TUBGCP3: variants seen among roughly 807,000 people sequenced by gnomAD.
TUBGCP3 encodes tubulin gamma complex component 3, also known as gamma-tubulin complex component 3.
Under a neutral mutation model 123.1 loss-of-function variants are expected in TUBGCP3, and 50 were observed. The observed-to-expected ratio is 0.41, with a 90% CI of 0.32 to 0.51. The LOEUF (loss-of-function observed/expected upper bound fraction) is 0.51, where lower values mean the gene tolerates loss of function less well. TUBGCP3 is among the 20% of genes least tolerant of loss of function. TUBGCP3 has a pLI of 0.36. For synonymous variants in TUBGCP3, 405 were observed against 413.9 expected, an observed-to-expected ratio of 0.98 and a Z score of 0.26; for missense variants, 882 against 1,127.0, an observed-to-expected ratio of 0.78 and a Z score of 3.11.
At chr13:112,577,532 A>C (rs1193927566) in intron 1 of TUBGCP3, among the ~76,000 whole-genome samples, 1 of 152,224 alleles carries the variant, frequency 6.6e-6, no homozygotes, top group Non-Finnish European at 1.5e-5. Flanking sequence ...AAGACAAATG[A>C]ATGTAACATT....
chr13:112,525,971 A>C (rs1877027314), intron 13 of TUBGCP3, among the ~76,000 whole-genome samples: 1 of 152,198 alleles, frequency 6.6e-6, no homozygotes, highest in South Asian at 2.1e-4. Context: ...TGTATCAGAG[A>C]GTAATTCTAA....
At chr13:112,536,564 A>C (rs1878071765) in intron 11 of TUBGCP3, among the ~76,000 whole-genome samples, 1 of 152,132 alleles carries the variant, frequency 6.6e-6, no homozygotes, top group Admixed American at 6.5e-5. Context: ...TTTTAAATGG[A>C]GTTATTTTCT....
intron 1 of TUBGCP3, among the ~76,000 whole-genome samples, chr13:112,586,116 G>A (rs1463501622): frequency 6.6e-6 from 1 of 151,898 alleles, no homozygotes; most frequent in East Asian, 1.9e-4. Context: ...GCGGGCGCCT[G>A]TAGTCCCAGC....
At chr13:112,602,730 C>T in the TUBGCP3 span, 2 of 152,114 alleles carry the variant, frequency 1.3e-5, no homozygotes, top group Admixed American at 6.5e-5. Flanking sequence ...TTTTACCGAA[C>T]GTTAGCTTGA....
At chr13:112,562,707 G>A (rs1049157967) in intron 3 of TUBGCP3, among the ~76,000 whole-genome samples, 1 of 152,178 alleles carries the variant, frequency 6.6e-6, no homozygotes, top group East Asian at 1.9e-4. Flanking sequence ...TTAACCACCC[G>A]AAATCACTTC....
At chr13:112,514,748 C>G (rs941472973) in intron 17 of TUBGCP3, among the ~76,000 whole-genome samples, 4 of 152,182 alleles carry the variant, frequency 2.6e-5, no homozygotes, top group Non-Finnish European at 5.9e-5. Flanking sequence ...AGTAAGTAAA[C>G]AGTCAAACTA....
intron 1 of TUBGCP3, among the ~76,000 whole-genome samples, chr13:112,584,725 C>G (rs1882494812): frequency 6.6e-6 from 1 of 152,160 alleles, no homozygotes. Context: ...TTTATGTATT[C>G]TTTACCTCAT....
rs546623024 is a variant in TUBGCP3 at position 112,525,332 on chromosome 13, G to A, written c.1555+1610C>T. 5.3e-5 allele frequency among the ~76,000 whole-genome samples: 8 copies of A among 152,088 alleles called. No individual in the cohort carries two copies. In the South Asian group the frequency reaches 1.2e-3, roughly 24 times the overall value. On this transcript the variant is annotated intron_variant, in intron 13 of 21. Coordinates refer to ENST00000261965, the MANE Select transcript of TUBGCP3 (RefSeq NM_006322.6). ...TGCCTCTTTCCAAAGCCTTCCTGTTGAGCCTTGCCTGAAAATACCCAAAGC... is the reference window on the plus strand; with the variant it reads ...TGCCTCTTTCCAAAGCCTTCCTGTTAAGCCTTGCCTGAAAATACCCAAAGC...
chr13:112,506,680 C>T (rs990306142), intron 17 of TUBGCP3, among the ~76,000 whole-genome samples: 3 of 152,198 alleles, frequency 2.0e-5, no homozygotes, highest in African/African-American at 7.2e-5. Flanking sequence ...CTTTGAGGTT[C>T]ATCTGAAATC....
chr13:112,500,497 C>T (rs971490250), intron 19 of TUBGCP3, among the ~76,000 whole-genome samples: 1 of 152,000 alleles, frequency 6.6e-6, no homozygotes, highest in African/African-American at 2.4e-5. Flanking sequence ...AAATATGCGC[C>T]AAGAAAATAT....
intron 1 of TUBGCP3, among the ~76,000 whole-genome samples, chr13:112,576,970 GA>G (rs1310110103): frequency 1.7e-3 from 213 of 126,520 alleles, no homozygotes; most frequent in African/African-American, 5.2e-3. Context: ...GGGGTGGAGG[GA>G]AAAAAAAAAT....
Position 112,502,022 on chromosome 13 carries a change from T to G in TUBGCP3, c.2307+2010A>C, listed in dbSNP as rs117335862. Among the ~76,000 whole-genome samples the G allele has an allele frequency of 1.6e-3, 239 of 152,298 alleles. 3 individuals are homozygous for G. The East Asian group carries it at 0.026, about 16-fold the overall frequency. On this transcript the variant is annotated intron_variant, in intron 19 of 21. Transcript: ENST00000261965. Reference sequence around the variant, plus strand: ...CTTATTTGCCACAACTGGACTGATATCAGTATGGGTATAGTCCTCAGTAGT... The same window carrying G: ...CTTATTTGCCACAACTGGACTGATAGCAGTATGGGTATAGTCCTCAGTAGT...
chr13:112,540,660 G>A (rs1015176698), intron 11 of TUBGCP3, among the ~76,000 whole-genome samples: 1 of 149,488 alleles, frequency 6.7e-6, no homozygotes, highest in East Asian at 2.0e-4. Flanking sequence ...GTAGCCCTAT[G>A]AGCATTCAGA....
intron 3 of TUBGCP3, among the ~76,000 whole-genome samples, chr13:112,564,595 T>C (rs1010476298): frequency 6.6e-6 from 1 of 152,166 alleles, no homozygotes; most frequent in African/African-American, 2.4e-5. Flanking sequence ...GCAGGAGGAT[T>C]GCTTGAGCCC....
intron 1 of TUBGCP3, among the ~76,000 whole-genome samples, chr13:112,579,799 A>T (rs1882154489): frequency 6.6e-6 from 1 of 152,252 alleles, no homozygotes; most frequent in Non-Finnish European, 1.5e-5. Flanking sequence ...AACAATGAGC[A>T]TGCACCTGCC....
intron 20 of TUBGCP3, among the ~76,000 whole-genome samples, chr13:112,497,380 T>C (rs762420186): frequency 6.6e-6 from 1 of 152,228 alleles, no homozygotes; most frequent in African/African-American, 2.4e-5. Flanking sequence ...CTTTGAATGA[T>C]GAGAGCCCTT....
Position 112,567,851 on chromosome 13 carries a change from A to G in TUBGCP3, c.184+1301T>C, listed in dbSNP as rs1346347722. Among the ~76,000 whole-genome samples the G allele has an allele frequency of 2.0e-5, 3 of 152,228 alleles. No individual in the cohort carries two copies. The East Asian group carries it at 5.8e-4, about 29-fold the overall frequency. On this transcript the variant is annotated intron_variant, in intron 2 of 21. Transcript: ENST00000261965. ...TCATAATGCAACAGCCAGGGGTGGAAAACTGTGCCACGCAGGACTTCTAGA... is the reference window on the plus strand; with the variant it reads ...TCATAATGCAACAGCCAGGGGTGGAGAACTGTGCCACGCAGGACTTCTAGA...
At position 112,578,420 on chromosome 13, in the gene TUBGCP3, G is replaced by A. The variant is rs142379778; in HGVS notation, c.77-9161C>T. 6.3e-3 allele frequency among the ~76,000 whole-genome samples: 942 copies of A among 150,290 alleles called. 10 individuals carry two copies. The highest frequency in any genetic ancestry group is 0.022 in the African/African-American group (881 of 40,738). On this transcript the variant is annotated intron_variant, in intron 1 of 21. Coordinates refer to ENST00000261965, the MANE Select transcript of TUBGCP3 (RefSeq NM_006322.6). Reference sequence around the variant, plus strand: ...TAAAAATACAAAAAATTAGCCGGGCGTGGTGGTGGGCGCCTGTAATCCCAG... The same window carrying A: ...TAAAAATACAAAAAATTAGCCGGGCATGGTGGTGGGCGCCTGTAATCCCAG...
intron 10 of TUBGCP3, 40 bp downstream of exon 10, chr13:112,547,580 C>CGCGTGGGAAAGACGT (rs755355973): frequency 1.7e-4 from 188 of 1,117,082 alleles, no homozygotes; most frequent in Non-Finnish European, 2.0e-4. Context: ...GGGAAAGTCG[C>CGCGTGGGAAAGACGT]GCGTGGGAAA....
Sources: gnomAD v4.1 joint callset for allele counts (sites outside exome capture counted in the v4.1 genomes callset) on GRCh38, gnomAD v4.1.1 for gene constraint, MANE v1.5 for transcripts, NCBI Gene and HGNC (gene_info 2026-07-23, HGNC 2026-07-21) for gene names.